The following HPD variants were observed in gnomAD, a reference collection of about 807,000 sequenced individuals.
HPD encodes the protein 4-hydroxyphenylpyruvic acid oxidase.
In HPD, 35 loss-of-function variants were observed where a neutral mutation model predicts 56.9. The observed-to-expected ratio is 0.62, with a 90% CI of 0.47 to 0.82. HPD has a LOEUF of 0.82. Ranked by LOEUF, HPD falls within the 40% of genes least tolerant of loss-of-function variation. The pLI is 0.00. For synonymous variants in HPD, 186 were observed against 200.2 expected, an observed-to-expected ratio of 0.93 and a Z score of 0.60; for missense variants, 442 against 506.8, an observed-to-expected ratio of 0.87 and a Z score of 1.23.
chr12:121,869,125 G>A, the HPD span, among the ~76,000 whole-genome samples: 1 of 151,906 alleles, frequency 6.6e-6, no homozygotes, highest in African/African-American at 2.4e-5. Context: ...AGGCCGAGGC[G>A]GATCACTTGA....
At position 121,840,061 on chromosome 12, in the gene HPD, C is replaced by T; in HGVS notation, c.955-13G>A. 2 of 1,563,550 alleles carry T rather than the reference C, an allele frequency of 1.3e-6. No individual in the cohort carries two copies. The highest frequency in any genetic ancestry group is 1.8e-6 in the Non-Finnish European group (2 of 1,134,108). On this transcript the variant is annotated splice_polypyrimidine_tract_variant and intron_variant, in intron 12 of 13. Transcript: ENST00000289004. ...GGATTTTCAGCTCCTAGGCGGGAGA[C>T]AGGGGGCTCTGCTAGGGGAGGCTGG...
chr12:121,846,302 T>C (rs1877580663), intron 11 of HPD, among the ~76,000 whole-genome samples: 1 of 152,162 alleles, frequency 6.6e-6, no homozygotes, highest in Non-Finnish European at 1.5e-5. Context: ...CTGCAACCTC[T>C]ACCTCCTGAG....
chr12:121,877,376 G>A, the HPD span, among the ~76,000 whole-genome samples: 1 of 152,080 alleles, frequency 6.6e-6, no homozygotes, highest in Non-Finnish European at 1.5e-5. Flanking sequence ...ACAAATGAGA[G>A]GGGTGTGAGA....
At position 121,842,993 on chromosome 12, in the gene HPD, G is replaced by A. The variant is rs148604316; in HGVS notation, c.954+717C>T. Among the ~76,000 whole-genome samples, 531 of 151,982 alleles carry A rather than the reference G, an allele frequency of 3.5e-3. 6 individuals are homozygous for A. Among genetic ancestry groups the A allele is most frequent in the African/African-American group, 0.011 (463 of 41,444 alleles). On this transcript the variant is annotated intron_variant, in intron 12 of 13. Transcript: ENST00000289004. ...GAACTCCTGACCTCATGATCCGCCC[G>A]CCTCGGCCTCCCAAAGTACTGAGAT...
chr12:121,850,010 G>A, intron 7 of HPD: 1 of 557,562 alleles, frequency 1.8e-6, no homozygotes, highest in Non-Finnish European at 3.3e-6. Context: ...TGCTCATGAT[G>A]GTGTACCCAG....
chr12:121,840,951 T>C (rs1877386301), intron 12 of HPD, among the ~76,000 whole-genome samples: 1 of 151,126 alleles, frequency 6.6e-6, no homozygotes, highest in South Asian at 2.1e-4. Context: ...CCCAGCACTC[T>C]GGGAGGCTGA....
At chr12:121,878,128 G>A in the HPD span, among the ~76,000 whole-genome samples, 1 of 152,136 alleles carries the variant, frequency 6.6e-6, no homozygotes, top group Non-Finnish European at 1.5e-5. Flanking sequence ...ACAACATTGT[G>A]AATTACTAAA....
intron 11 of HPD, among the ~76,000 whole-genome samples, chr12:121,845,311 T>G (rs959523102): frequency 6.7e-6 from 1 of 148,782 alleles, no homozygotes; most frequent in Non-Finnish European, 1.5e-5. Context: ...AGATGAGGTC[T>G]TATGGCCGGG....
intron 7 of HPD, among the ~76,000 whole-genome samples, chr12:121,853,753 G>A (rs541950236): frequency 6.6e-6 from 1 of 150,670 alleles, no homozygotes; most frequent in South Asian, 2.1e-4. Context: ...AGACCAGCCT[G>A]GCCAACATGG....
At position 121,857,942 on chromosome 12, in the gene HPD, G is replaced by A. The variant is rs1225111699; in HGVS notation, c.31-123C>T. ...CTCAACCACAGAACTTAGGAGCAGC[G>A]GAACCCCATGCAGCCTTGCCAAGCC... On this transcript the variant is annotated intron_variant, in intron 2 of 13. Coordinates refer to ENST00000289004, the MANE Select transcript of HPD (RefSeq NM_002150.3). 24 of 758,858 alleles carry A rather than the reference G, an allele frequency of 3.2e-5. No homozygotes were observed. In the Middle Eastern group the frequency reaches 7.8e-4, roughly 25 times the overall value. The allele number at this position is 758,858 out of a possible 1,614,324, so 47.0% of individuals were successfully genotyped here.
the HPD span, among the ~76,000 whole-genome samples, chr12:121,883,141 C>A: frequency 2.0e-5 from 3 of 148,580 alleles, no homozygotes; most frequent in African/African-American, 7.5e-5. Flanking sequence ...AAAAAACGTG[C>A]CAGAAACTGT....
chr12:121,845,575 T>C (rs1175330985), intron 11 of HPD, among the ~76,000 whole-genome samples: 3 of 134,698 alleles, frequency 2.2e-5, no homozygotes, highest in Non-Finnish European at 4.6e-5. Flanking sequence ...CACTCCAGCC[T>C]GGGCGACAGA....
At chr12:121,868,805 G>A in the HPD span, among the ~76,000 whole-genome samples, 37,653 of 152,068 alleles carry the variant, frequency 0.25, 6,001 homozygotes, top group Middle Eastern at 0.38. Context: ...ACAGGCATGA[G>A]CCACCATGCC....
intron 6 of HPD, among the ~76,000 whole-genome samples, chr12:121,855,374 G>A (rs1566573542): frequency 1.3e-5 from 2 of 152,210 alleles, no homozygotes; most frequent in Non-Finnish European, 2.9e-5. Context: ...CTCTGAATCT[G>A]TAGGCTGCCT....
At chr12:121,841,504 A>G (rs1375638633) in intron 12 of HPD, among the ~76,000 whole-genome samples, 1 of 152,228 alleles carries the variant, frequency 6.6e-6, no homozygotes, top group Non-Finnish European at 1.5e-5. Flanking sequence ...TAACACCCCA[A>G]AAGTGGAAAC....
the HPD span, among the ~76,000 whole-genome samples, chr12:121,884,775 C>T: frequency 6.6e-6 from 1 of 151,888 alleles, no homozygotes; most frequent in South Asian, 2.1e-4. Flanking sequence ...TATGTTTCAC[C>T]AATTATTTAC....
intron 3 of HPD, 142 bp from the exon 4 acceptor site, chr12:121,857,574 C>T: frequency 1.2e-6 from 1 of 829,260 alleles, no homozygotes; most frequent in East Asian, 2.6e-5. Flanking sequence ...TAGACTGCTG[C>T]CTGCACATTT....
intron 7 of HPD, among the ~76,000 whole-genome samples, chr12:121,851,770 C>T (rs371654618): frequency 0.7 from 15,419 of 21,900 alleles, 5,853 homozygotes; most frequent in Non-Finnish European, 0.75. Context: ...AGTGCAGTGG[C>T]GCGATCTCGG....
the HPD span, among the ~76,000 whole-genome samples, chr12:121,872,704 G>T: frequency 6.6e-6 from 1 of 151,842 alleles, no homozygotes; most frequent in Admixed American, 6.6e-5. Flanking sequence ...TGGCCATATG[G>T]ATTTGCTCTG....
Sources: gnomAD v4.1 joint callset for allele counts (sites outside exome capture counted in the v4.1 genomes callset) on GRCh38, gnomAD v4.1.1 for gene constraint, MANE v1.5 for transcripts, NCBI Gene and HGNC (gene_info 2026-07-23, HGNC 2026-07-21) for gene names.